WDR19: variants seen among roughly 807,000 people sequenced by gnomAD.
WDR19 encodes the protein WD repeat-containing protein 19.
In WDR19, 121 loss-of-function variants were observed where a neutral mutation model predicts 180.0. That is an observed-to-expected ratio of 0.67 (90% CI 0.58 to 0.78). The LOEUF (loss-of-function observed/expected upper bound fraction) is 0.78, where lower values mean the gene tolerates loss of function less well. Among genes scored for constraint, WDR19 ranks in the 30% least tolerant of loss-of-function variants. The pLI is 0.00. For synonymous variants in WDR19, 497 were observed against 540.7 expected, an observed-to-expected ratio of 0.92 and a Z score of 1.12; for missense variants, 1,450 against 1,640.7, an observed-to-expected ratio of 0.88 and a Z score of 2.01.
intron 31 of WDR19, among the ~76,000 whole-genome samples, chr4:39,271,970 T>C (rs1459455159): frequency 1.3e-5 from 2 of 152,214 alleles, no homozygotes; most frequent in Non-Finnish European, 2.9e-5. Flanking sequence ...CATACGTGAT[T>C]AATGCCTACC....
Position 39,277,118 on chromosome 4 carries a change from A to G in WDR19, c.3815A>G (p.Asn1272Ser). 6.2e-7 allele frequency: 1 copy of G among 1,612,936 alleles called. No individual in the cohort carries two copies. Among genetic ancestry groups the G allele is most frequent in the Non-Finnish European group, 8.5e-7 (1 of 1,179,530 alleles). Residue 1272 changes from asparagine to serine, a missense_variant, in exon 34 of 37, where the codon AAC becomes AGC. Physicochemically the swap from Asn to Ser is conservative, Grantham distance 46. Coordinates refer to ENST00000399820, the MANE Select transcript of WDR19 (RefSeq NM_025132.4). ...GAACTCCTCTGTCCTGGATGTAAAA[A>G]CAGTATCCCATATTGCATTGCAACA... ...ECELLCPGCK[N>S]SIPYCIATGR...
intron 24 of WDR19, among the ~76,000 whole-genome samples, chr4:39,250,707 C>T (rs772115560): frequency 7.2e-5 from 11 of 152,130 alleles, no homozygotes; most frequent in Non-Finnish European, 1.3e-4. Context: ...TTCTTATACA[C>T]CAATAACAGA....
At chr4:39,232,108 A>AT in intron 18 of WDR19, 54 bp from the exon 19 acceptor site, 1 of 1,570,200 alleles carries the variant, frequency 6.4e-7, no homozygotes, top group Non-Finnish European at 8.7e-7. Context: ...TTAAAAAAAA[A>AT]AAAAAGTTAA....
intron 33 of WDR19, among the ~76,000 whole-genome samples, chr4:39,275,813 G>T (rs891514121): frequency 3.3e-5 from 5 of 152,128 alleles, no homozygotes; most frequent in African/African-American, 1.2e-4. Context: ...AATAGTGGAC[G>T]TTCAGTGGAA....
Position 39,257,555 on chromosome 4 carries a change from G to C in WDR19, c.3183+1G>C. On this transcript the variant is annotated splice_donor_variant, in intron 28 of 36. Transcript: ENST00000399820. LOFTEE classifies it high-confidence loss of function. ...GGCAATAGAAATGGCAATTGAAACT[G>C]TAAGTACGCTTTCAATGAAACTTTC... 6.3e-7 allele frequency: 1 copy of C among 1,577,964 alleles called. No individual in the cohort carries two copies. The highest frequency in any genetic ancestry group is 8.6e-7 in the Non-Finnish European group (1 of 1,161,580).
chr4:39,284,613 A>T (rs1448858810), intron 36 of WDR19, among the ~76,000 whole-genome samples: 2 of 142,008 alleles, frequency 1.4e-5, no homozygotes, highest in African/African-American at 5.1e-5. Flanking sequence ...AAGTGTTGGG[A>T]TTACAGCTGT....
Position 39,182,546 on chromosome 4 carries a change from T to G in WDR19, c.-12T>G. On this transcript the variant is annotated 5_prime_UTR_variant, in exon 1 of 37. Transcript: ENST00000399820. ...CGTACTTCATAGTTCGCGTAGCGGC[T>G]CGAGCGTGGAGATGAAGGTAAATAA... The G allele has an allele frequency of 8.7e-6, 14 of 1,613,798 alleles. No individual in the cohort carries two copies. Among genetic ancestry groups the G allele is most frequent in the African/African-American group, 1.3e-5 (1 of 75,042 alleles).
intron 28 of WDR19, among the ~76,000 whole-genome samples, chr4:39,265,834 T>C (rs1347802058): frequency 6.7e-6 from 1 of 149,778 alleles, no homozygotes; most frequent in African/African-American, 2.5e-5. Context: ...GAAAATATGG[T>C]ATTTTGATAC....
chr4:39,238,971 ATATTAT>A (rs759016341), intron 20 of WDR19, among the ~76,000 whole-genome samples: 4 of 151,742 alleles, frequency 2.6e-5, no homozygotes, highest in Admixed American at 2.0e-4. Context: ...TGGGAAGAGA[ATATTAT>A]TATTATTATT....
At chr4:39,232,788 A>G (rs2060805) in intron 19 of WDR19, among the ~76,000 whole-genome samples, 68,546 of 151,998 alleles carry the variant, frequency 0.45, 18,414 homozygotes, top group East Asian at 0.62. Flanking sequence ...CAGACACTAT[A>G]TGCCTTCCCC....
intron 27 of WDR19, among the ~76,000 whole-genome samples, chr4:39,256,590 A>T (rs1255592578): frequency 6.6e-6 from 1 of 152,128 alleles, no homozygotes; most frequent in Non-Finnish European, 1.5e-5. Flanking sequence ...TTTATAGAAT[A>T]CCTCACTGGC....
chr4:39,281,236 TAGAG>T (rs1553919999), intron 36 of WDR19, among the ~76,000 whole-genome samples: 21 of 104,038 alleles, frequency 2.0e-4, no homozygotes, highest in South Asian at 6.2e-4. Flanking sequence ...TATATATATA[TAGAG>T]AGAGAGAGAG....
chr4:39,193,223 G>C (rs1403617096), intron 4 of WDR19, among the ~76,000 whole-genome samples: 1 of 149,030 alleles, frequency 6.7e-6, no homozygotes, highest in Non-Finnish European at 1.5e-5. Flanking sequence ...GTGCAGTGGC[G>C]CAATCTTGGC....
intron 35 of WDR19, 85 bp from the exon 36 acceptor site, chr4:39,278,454 A>G: frequency 9.3e-7 from 1 of 1,077,312 alleles, no homozygotes; most frequent in East Asian, 2.5e-5. Context: ...GTAGACAGAA[A>G]GTTGTTGTCT....
rs143848496 is a variant in WDR19 at position 39,284,331 on chromosome 4, ATTTTTTTT to A, written c.*14-1138_*14-1131del. Among the ~76,000 whole-genome samples the A allele has an allele frequency of 2.0e-3, 182 of 91,532 alleles. 1 individual carries two copies. The highest frequency in any genetic ancestry group is 7.6e-3 in the African/African-American group (170 of 22,388). The allele number at this position is 91,532 out of a possible 152,430, so 60.0% of individuals were successfully genotyped here. A position where few individuals can be genotyped will look rare whatever the true frequency, so the allele number is the denominator to read the frequency against. On this transcript the variant is annotated intron_variant, in intron 36 of 36. Transcript: ENST00000399820. ...CCTTTCTTCTAAGTAAGTAAAAAAA[ATTTTTTTT>A]TTTTTTTTTTTTTTTTTGAGACAGG...
chr4:39,214,867 G>T (rs1402313965), intron 10 of WDR19, among the ~76,000 whole-genome samples, 196 bp downstream of exon 10: 2 of 151,576 alleles, frequency 1.3e-5, no homozygotes, highest in Non-Finnish European at 2.9e-5. Context: ...CCACCTCCCA[G>T]GCTCAAGCTA....
intron 32 of WDR19, chr4:39,274,044 T>C (rs1735656574): frequency 6.6e-6 from 1 of 152,278 alleles, no homozygotes; most frequent in African/African-American, 2.4e-5. Context: ...TGACTGTGTT[T>C]CAATAGAGCT....
intron 10 of WDR19, 42 bp from the exon 11 acceptor site, chr4:39,215,799 A>G (rs1187603722): frequency 3.0e-5 from 47 of 1,556,450 alleles, no homozygotes; most frequent in Non-Finnish European, 4.1e-5. Flanking sequence ...CTGCAACTAT[A>G]TATTGTTTTT....
chr4:39,231,705 T>G, intron 17 of WDR19, 92 bp from the exon 18 acceptor site: 1 of 1,173,846 alleles, frequency 8.5e-7, no homozygotes, highest in Non-Finnish European at 1.1e-6. Context: ...ACAGTTTATC[T>G]GGGGCACGCT....
Sources: gnomAD v4.1 joint callset for allele counts (sites outside exome capture counted in the v4.1 genomes callset) on GRCh38, gnomAD v4.1.1 for gene constraint, MANE v1.5 for transcripts, NCBI Gene and HGNC (gene_info 2026-07-23, HGNC 2026-07-21) for gene names.